The following C6 variants were observed in gnomAD, a reference collection of about 807,000 sequenced individuals.
The protein encoded by C6 is complement C6.
Under a neutral mutation model 112.9 loss-of-function variants are expected in C6, and 101 were observed. The ratio of observed to expected loss-of-function variants is 0.89; its 90% CI spans 0.76 to 1.06. The LOEUF (loss-of-function observed/expected upper bound fraction) is 1.06. Among genes scored for constraint, C6 ranks in the 50% least tolerant of loss-of-function variants. The pLI, the probability that C6 is intolerant of heterozygous loss-of-function variation, is 0.00. For synonymous variants in C6, 431 were observed against 384.1 expected (o/e 1.12, Z -1.43); for missense variants, 1,202 against 1,104.6 (o/e 1.09, Z -1.25).
intron 17 of C6, 30 bp from the exon 18 acceptor site, chr5:41,143,036 C>T (rs1386831163): frequency 1.9e-6 from 3 of 1,596,034 alleles, no homozygotes; most frequent in Non-Finnish European, 2.6e-6. Context: ...GACAGTGTGA[C>T]TTACCACAGT....
chr5:41,193,867 A>T (rs1232789823), intron 5 of C6, among the ~76,000 whole-genome samples: 1 of 148,442 alleles, frequency 6.7e-6, no homozygotes, highest in African/African-American at 2.5e-5. Context: ...TTCTAAGGCC[A>T]GCAGATTAGA....
At chr5:41,161,960 T>C in intron 9 of C6, 101 bp from the exon 10 acceptor site, 1 of 1,112,412 alleles carries the variant, frequency 9.0e-7, no homozygotes, top group Non-Finnish European at 1.3e-6. Flanking sequence ...GAGAAGTAGA[T>C]GGTACAGTAT....
intron 1 of C6, among the ~76,000 whole-genome samples, chr5:41,244,675 G>A (rs1162544683): frequency 6.6e-6 from 1 of 152,026 alleles, no homozygotes; most frequent in Non-Finnish European, 1.5e-5. Context: ...TGTCCCCAGG[G>A]GAAGAGCACT....
chr5:41,217,735 A>C (rs1752243543), upstream of C6, among the ~76,000 whole-genome samples: 2 of 152,144 alleles, frequency 1.3e-5, no homozygotes, highest in Non-Finnish European at 2.9e-5. Context: ...CAATAAAGCC[A>C]AACTTCTGCC....
intron 5 of C6, 106 bp from the exon 6 acceptor site, chr5:41,186,314 A>T: frequency 8.0e-7 from 1 of 1,250,072 alleles, no homozygotes; most frequent in Non-Finnish European, 1.1e-6. Flanking sequence ...TTGCCTCAAG[A>T]CAAATGACTT....
intron 2 of C6, 43 bp downstream of exon 2, chr5:41,203,045 G>C: frequency 6.2e-7 from 1 of 1,604,484 alleles, no homozygotes; most frequent in South Asian, 1.1e-5. Context: ...TCATCCTTGA[G>C]TCCTTCCAGG....
At chr5:41,214,920 A>T (rs1468893108), upstream of C6, among the ~76,000 whole-genome samples, 1 of 152,098 alleles carries the variant, frequency 6.6e-6, no homozygotes, top group Non-Finnish European at 1.5e-5. Flanking sequence ...ACACAGGTGG[A>T]GAGAGTTAAG....
At chr5:41,257,595 G>C (rs903452766) in intron 1 of C6, among the ~76,000 whole-genome samples, 1 of 152,138 alleles carries the variant, frequency 6.6e-6, no homozygotes, top group African/African-American at 2.4e-5. Flanking sequence ...TTTGGGAGTA[G>C]GCTTCAGGCT....
chr5:41,144,399 C>T (rs753377002), intron 17 of C6, among the ~76,000 whole-genome samples: 3 of 152,094 alleles, frequency 2.0e-5, no homozygotes, highest in African/African-American at 4.8e-5. Context: ...ACCCAAGTAG[C>T]TGGGACTACA....
intron 6 of C6, among the ~76,000 whole-genome samples, chr5:41,185,011 T>C (rs1749660031): frequency 6.6e-6 from 1 of 152,216 alleles, no homozygotes. Context: ...AATATCCTTT[T>C]GTGAAATGAC....
At chr5:41,236,829 G>A (rs1740342895) in intron 1 of C6, among the ~76,000 whole-genome samples, 1 of 126,612 alleles carries the variant, frequency 7.9e-6, no homozygotes, top group Non-Finnish European at 1.6e-5. Flanking sequence ...TAGACCGCTA[G>A]CAAGACTAAT....
intron 1 of C6, among the ~76,000 whole-genome samples, chr5:41,205,931 C>A (rs577019841): frequency 6.6e-6 from 1 of 152,170 alleles, no homozygotes; most frequent in Admixed American, 6.5e-5. Flanking sequence ...CAAGTGGGTC[C>A]CTGACCCCCG....
chr5:41,211,848 A>C (rs138704893), intron 1 of C6, among the ~76,000 whole-genome samples: 2 of 152,332 alleles, frequency 1.3e-5, no homozygotes, highest in East Asian at 3.9e-4. Context: ...AATTTGGAGA[A>C]GTTAAATTGC....
At chr5:41,174,180 G>A (rs1748657083) in intron 8 of C6, among the ~76,000 whole-genome samples, 1 of 152,168 alleles carries the variant, frequency 6.6e-6, no homozygotes, top group African/African-American at 2.4e-5. Context: ...TGGTCATGCA[G>A]TGATTAAAAT....
intron 1 of C6, among the ~76,000 whole-genome samples, chr5:41,234,655 G>T (rs887330143): frequency 6.6e-6 from 1 of 152,098 alleles, no homozygotes; most frequent in Non-Finnish European, 1.5e-5. Context: ...CCTCTGCACA[G>T]TTTGGGAAAA....
Position 41,182,849 on chromosome 5 carries a change from CAG to C in C6, c.727-1292_727-1291del, listed in dbSNP as rs545977153. Among the ~76,000 whole-genome samples the C allele has an allele frequency of 2.8e-3, 421 of 152,280 alleles. 3 individuals are homozygous for C. The highest frequency in any genetic ancestry group is 9.8e-3 in the African/African-American group (406 of 41,570). ...TATGACTTCAGCCATACCACTATGG[CAG>C]AGTTAAAGATTAGCTCAGGTAGCTT... On this transcript the variant is annotated intron_variant, in intron 6 of 17. Coordinates refer to ENST00000337836, the MANE Select transcript of C6 (RefSeq NM_000065.5).
At chr5:41,145,873 T>C (rs778828628) in intron 17 of C6, among the ~76,000 whole-genome samples, 13 of 152,156 alleles carry the variant, frequency 8.5e-5, no homozygotes, top group Non-Finnish European at 1.5e-4. Context: ...TTAGTATGGA[T>C]ATAGCTTAAA....
intron 9 of C6, 68 bp downstream of exon 9, chr5:41,172,157 A>C: frequency 4.0e-6 from 6 of 1,511,448 alleles, no homozygotes; most frequent in Non-Finnish European, 3.7e-6. Context: ...GTCACATCCA[A>C]TATGGTCTGT....
At chr5:41,257,652 G>A (rs185229993) in intron 1 of C6, among the ~76,000 whole-genome samples, 27 of 152,148 alleles carry the variant, frequency 1.8e-4, no homozygotes, top group Admixed American at 4.6e-4. Context: ...AGAAGCCATC[G>A]GAATAGAAAG....
Sources: allele counts gnomAD v4.1 joint callset (sites outside exome capture counted in the v4.1 genomes callset), GRCh38; gene constraint gnomAD v4.1.1; transcripts MANE v1.5; gene names NCBI Gene and HGNC (gene_info 2026-07-23, HGNC 2026-07-21).